GALNT13: variants seen among roughly 807,000 people sequenced by gnomAD.
GALNT13 encodes polypeptide N-acetylgalactosaminyltransferase 13.
Under a neutral mutation model 64.2 loss-of-function variants are expected in GALNT13, and 28 were observed. That is an observed-to-expected ratio of 0.44 (90% confidence interval 0.32 to 0.60). The LOEUF (loss-of-function observed/expected upper bound fraction) is 0.60. GALNT13 is among the 20% of genes least tolerant of loss of function. The probability of loss-of-function intolerance (pLI) is 0.05; values close to 1 mark genes in which losing one functional copy is unlikely to be tolerated. For synonymous variants in GALNT13, 214 were observed against 224.6 expected (o/e 0.95, Z 0.42); for missense variants, 577 against 669.8 (o/e 0.86, Z 1.53).
At chr2:154,013,682 C>G (rs1435019693) in intron 3 of GALNT13, among the ~76,000 whole-genome samples, 1 of 152,118 alleles carries the variant, frequency 6.6e-6, no homozygotes, top group African/African-American at 2.4e-5. Flanking sequence ...GTGCGGTGGG[C>G]TGCCCACACA....
chr2:153,158,669 G>T, the GALNT13 span, among the ~76,000 whole-genome samples: 7 of 152,104 alleles, frequency 4.6e-5, no homozygotes, highest in African/African-American at 1.7e-4. Context: ...AAGGAAAGCT[G>T]GTGGTTTCAG....
the GALNT13 span, among the ~76,000 whole-genome samples, chr2:153,855,910 C>G: frequency 1.4e-4 from 21 of 152,182 alleles, no homozygotes; most frequent in African/African-American, 5.1e-4. Context: ...GGAATAAGTG[C>G]TGATGCATAG....
intron 3 of GALNT13, among the ~76,000 whole-genome samples, chr2:153,946,410 T>C (rs1280247108): frequency 6.6e-6 from 1 of 152,154 alleles, no homozygotes; most frequent in East Asian, 1.9e-4. Flanking sequence ...ACTATTGTTC[T>C]CTTTGTTGAT....
chr2:153,986,588 C>T (rs1477018111), intron 3 of GALNT13, among the ~76,000 whole-genome samples: 4 of 151,888 alleles, frequency 2.6e-5, no homozygotes, highest in Non-Finnish European at 4.4e-5. Flanking sequence ...TAATCCCCTG[C>T]CCTCAAATCC....
chr2:154,121,268 G>C (rs1210966339), intron 3 of GALNT13, among the ~76,000 whole-genome samples: 2 of 152,168 alleles, frequency 1.3e-5, no homozygotes, highest in Admixed American at 1.3e-4. Flanking sequence ...CTTTCTGTTG[G>C]GGGTGGGGAA....
At chr2:153,552,310 A>G in the GALNT13 span, among the ~76,000 whole-genome samples, 1 of 152,298 alleles carries the variant, frequency 6.6e-6, no homozygotes, top group East Asian at 1.9e-4. Context: ...TAAGGAAGGG[A>G]AAAGTGGTTT....
the GALNT13 span, among the ~76,000 whole-genome samples, chr2:153,533,723 C>CTTTGTTTTTTTTTTTTTTTTTTT: frequency 4.1e-5 from 2 of 48,728 alleles, no homozygotes; most frequent in Non-Finnish European, 7.1e-5. Context: ...TGAGGTTTTT[C>CTTTGTTTTTTTTTTTTTTTTTTT]TTTTTTTTTT....
At chr2:154,101,101 G>A (rs1238876549) in intron 3 of GALNT13, among the ~76,000 whole-genome samples, 1 of 152,040 alleles carries the variant, frequency 6.6e-6, no homozygotes, top group Non-Finnish European at 1.5e-5. Flanking sequence ...GTTAGATTCT[G>A]TTTGCTAGTA....
chr2:153,292,511 A>G, the GALNT13 span, among the ~76,000 whole-genome samples: 1 of 152,152 alleles, frequency 6.6e-6, no homozygotes, highest in African/African-American at 2.4e-5. Flanking sequence ...GGCTTCAAGG[A>G]TTATCAAGAA....
chr2:153,585,370 T>C, the GALNT13 span, among the ~76,000 whole-genome samples: 2 of 152,122 alleles, frequency 1.3e-5, no homozygotes, highest in African/African-American at 4.8e-5. Flanking sequence ...AATAATTCAG[T>C]TAGACAAAAG....
the GALNT13 span, among the ~76,000 whole-genome samples, chr2:153,635,996 G>A: frequency 6.6e-6 from 1 of 152,134 alleles, no homozygotes; most frequent in East Asian, 1.9e-4. Context: ...GTGTGTTGAT[G>A]TGGGATGAGA....
chr2:153,583,778 C>T, the GALNT13 span, among the ~76,000 whole-genome samples: 1 of 152,158 alleles, frequency 6.6e-6, no homozygotes, highest in Non-Finnish European at 1.5e-5. Context: ...GTCCTGGGAA[C>T]CAGCAGTGTC....
intron 2 of GALNT13, among the ~76,000 whole-genome samples, chr2:153,924,747 G>A (rs971707172): frequency 6.6e-6 from 1 of 152,030 alleles, no homozygotes; most frequent in Admixed American, 6.6e-5. Flanking sequence ...TTTAATAATA[G>A]CCATTCTTAT....
At chr2:154,417,201 A>G (rs970607899) in intron 11 of GALNT13, among the ~76,000 whole-genome samples, 15 of 150,028 alleles carry the variant, frequency 1.0e-4, no homozygotes, top group Non-Finnish European at 1.8e-4. Flanking sequence ...GCCTGTCCCT[A>G]TCTTCATTCC....
chr2:153,720,121 G>A, the GALNT13 span, among the ~76,000 whole-genome samples: 1 of 145,216 alleles, frequency 6.9e-6, no homozygotes, highest in South Asian at 2.4e-4. Flanking sequence ...TCTGAGAACG[G>A]GCAGACTGCC....
At chr2:153,293,775 GTGT>G in the GALNT13 span, among the ~76,000 whole-genome samples, 38,060 of 113,772 alleles carry the variant, frequency 0.33, 5,300 homozygotes, top group Non-Finnish European at 0.4. Flanking sequence ...GTGTGTGTGT[GTGT>G]GTGTGTGTGT....
the GALNT13 span, among the ~76,000 whole-genome samples, chr2:153,507,859 T>C: frequency 2.0e-5 from 3 of 152,152 alleles, no homozygotes; most frequent in Admixed American, 1.3e-4. Context: ...TCCCACATGG[T>C]GTTCCCTTGA....
At chr2:153,508,305 G>T in the GALNT13 span, among the ~76,000 whole-genome samples, 1 of 152,154 alleles carries the variant, frequency 6.6e-6, no homozygotes, top group South Asian at 2.1e-4. Flanking sequence ...TTGGCAACTA[G>T]GGCAGATAGA....
chr2:153,803,691 C>CAAAAAA, the GALNT13 span, among the ~76,000 whole-genome samples: 5 of 105,062 alleles, frequency 4.8e-5, no homozygotes, highest in Non-Finnish European at 9.1e-5. Context: ...GACTCTGTCT[C>CAAAAAA]AAAAAAAAAA....
Sources: gnomAD v4.1 joint callset for allele counts (sites outside exome capture counted in the v4.1 genomes callset) on GRCh38, gnomAD v4.1.1 for gene constraint, MANE v1.5 for transcripts, NCBI Gene and HGNC (gene_info 2026-07-23, HGNC 2026-07-21) for gene names.